Variants in OSBPL10 observed in about 807,000 individuals in gnomAD.
OSBPL10 encodes the protein oxysterol-binding protein-related protein 10.
OSBPL10 carries 49 observed loss-of-function variants against 81.7 expected under a neutral mutation model. The ratio of observed to expected loss-of-function variants is 0.60; its 90% CI spans 0.48 to 0.76. The LOEUF is 0.76. Among genes scored for constraint, OSBPL10 ranks in the 30% least tolerant of loss-of-function variants. The pLI is 0.00. For synonymous variants in OSBPL10, 419 were observed against 383.6 expected, an observed-to-expected ratio of 1.09 and a Z score of -1.08; for missense variants, 923 against 987.8, an observed-to-expected ratio of 0.93 and a Z score of 0.88.
At chr3:31,750,413 T>G (rs967499777) in intron 4 of OSBPL10, among the ~76,000 whole-genome samples, 5 of 152,182 alleles carry the variant, frequency 3.3e-5, no homozygotes, top group African/African-American at 1.2e-4. Context: ...CAAGTTTCCC[T>G]CCTCTCACAG....
intron 6 of OSBPL10, among the ~76,000 whole-genome samples, chr3:31,712,937 G>A (rs1327456754): frequency 1.3e-5 from 2 of 152,100 alleles, no homozygotes; most frequent in Admixed American, 6.5e-5. Context: ...CTTACGCACT[G>A]TTCCACATCA....
chr3:31,815,738 G>A (rs1026555879), intron 4 of OSBPL10, among the ~76,000 whole-genome samples: 14 of 152,130 alleles, frequency 9.2e-5, no homozygotes, highest in Admixed American at 9.2e-4. Flanking sequence ...ACCCTCTGGA[G>A]ACAAAACCAA....
At chr3:31,905,345 A>ATTTTTTTTTTTTTTTTTTTTTTTTTTTTT (rs386396290) in intron 1 of OSBPL10, among the ~76,000 whole-genome samples, 2 of 94,818 alleles carry the variant, frequency 2.1e-5, no homozygotes, top group Admixed American at 1.4e-4. Context: ...GAACCTGGTG[A>ATTTTTTTTTTTTTTTTTTTTTTTTTTTTT]TTTTTTTTTT....
At chr3:32,049,262 C>T (rs752317510) in intron 1 of OSBPL10, among the ~76,000 whole-genome samples, 6 of 152,102 alleles carry the variant, frequency 3.9e-5, no homozygotes, top group Admixed American at 6.6e-5. Flanking sequence ...CTTTCTTGTG[C>T]GAGGTCCAAA....
intron 6 of OSBPL10, among the ~76,000 whole-genome samples, chr3:31,730,570 T>C (rs982276023): frequency 1.3e-5 from 2 of 152,222 alleles, no homozygotes; most frequent in Admixed American, 6.5e-5. Flanking sequence ...TAGAAGAATA[T>C]TTCATTTTCA....
At chr3:31,867,314 T>C (rs568325591) in intron 3 of OSBPL10, among the ~76,000 whole-genome samples, 1 of 152,316 alleles carries the variant, frequency 6.6e-6, no homozygotes, top group South Asian at 2.1e-4. Flanking sequence ...TACATCTACA[T>C]ATATCTACAT....
chr3:31,727,833 A>G (rs959240299), intron 6 of OSBPL10, among the ~76,000 whole-genome samples: 1 of 152,228 alleles, frequency 6.6e-6, no homozygotes, highest in African/African-American at 2.4e-5. Flanking sequence ...ATGGGGATGA[A>G]AAATTTAAAA....
intron 6 of OSBPL10, among the ~76,000 whole-genome samples, chr3:31,703,266 G>C (rs1324431976): frequency 6.6e-6 from 1 of 152,156 alleles, no homozygotes; most frequent in African/African-American, 2.4e-5. Context: ...AAGGACTCTG[G>C]TTACAAGGTT....
intron 2 of OSBPL10, chr3:31,879,407 G>A (rs1050276304): frequency 2.2e-5 from 10 of 445,764 alleles, no homozygotes; most frequent in African/African-American, 4.0e-5. Context: ...GTCCTAAGGC[G>A]CGCTGCTTTG....
intron 4 of OSBPL10, among the ~76,000 whole-genome samples, chr3:31,752,998 G>A (rs1697766552): frequency 6.6e-6 from 1 of 152,124 alleles, no homozygotes; most frequent in African/African-American, 2.4e-5. Context: ...TGTCTGGCTT[G>A]GAAGGAGACC....
chr3:31,758,545 C>T (rs1697950246), intron 4 of OSBPL10, among the ~76,000 whole-genome samples: 1 of 152,176 alleles, frequency 6.6e-6, no homozygotes, highest in African/African-American at 2.4e-5. Context: ...ACTCCCCCAT[C>T]CTTTTGTAGT....
At chr3:31,797,778 T>G (rs775541057) in intron 4 of OSBPL10, 74 of 456,324 alleles carry the variant, frequency 1.6e-4, no homozygotes, top group African/African-American at 6.0e-4. Context: ...TGGGTTTGAG[T>G]CTTGACGATG....
intron 1 of OSBPL10, among the ~76,000 whole-genome samples, chr3:31,953,417 G>C (rs1697923906): frequency 6.6e-6 from 1 of 151,278 alleles, no homozygotes; most frequent in South Asian, 2.1e-4. Flanking sequence ...AAGTGATTCT[G>C]TTGTTGTTGT....
At chr3:31,843,838 G>A (rs778854871) in intron 3 of OSBPL10, among the ~76,000 whole-genome samples, 18 of 152,110 alleles carry the variant, frequency 1.2e-4, no homozygotes, top group Admixed American at 3.9e-4. Flanking sequence ...CATATACCCC[G>A]TGCTCAGGGA....
intron 6 of OSBPL10, among the ~76,000 whole-genome samples, chr3:31,711,931 A>T (rs994954021): frequency 2.0e-5 from 3 of 152,242 alleles, no homozygotes; most frequent in African/African-American, 7.2e-5. Flanking sequence ...ATCAAATAGC[A>T]AAGGCCAGGA....
chr3:31,829,540 A>G (rs1700182059), intron 4 of OSBPL10, among the ~76,000 whole-genome samples: 1 of 152,176 alleles, frequency 6.6e-6, no homozygotes, highest in African/African-American at 2.4e-5. Context: ...ACTTGCTCTT[A>G]AACAAGTCTT....
chr3:31,817,603 G>A (rs552952813), intron 4 of OSBPL10, among the ~76,000 whole-genome samples: 20 of 152,158 alleles, frequency 1.3e-4, no homozygotes, highest in Admixed American at 7.2e-4. Context: ...TCCCAGCCCC[G>A]TCTAAGACCA....
intron 1 of OSBPL10, among the ~76,000 whole-genome samples, chr3:31,931,410 G>A (rs750948180): frequency 2.6e-5 from 4 of 151,916 alleles, no homozygotes; most frequent in Non-Finnish European, 4.4e-5. Context: ...AATTATCAAG[G>A]GTCCCCTAGC....
chr3:31,978,010 C>T (rs2125501260), intron 1 of OSBPL10, among the ~76,000 whole-genome samples: 1 of 152,248 alleles, frequency 6.6e-6, no homozygotes, highest in South Asian at 2.1e-4. Flanking sequence ...AACTGCCTTC[C>T]TAAGGGCATG....
Sources: gnomAD v4.1 joint callset for allele counts (sites outside exome capture counted in the v4.1 genomes callset) on GRCh38, gnomAD v4.1.1 for gene constraint, MANE v1.5 for transcripts, NCBI Gene and HGNC (gene_info 2026-07-23, HGNC 2026-07-21) for gene names.